Variants in SENP6 observed in about 807,000 individuals in gnomAD.
SENP6 encodes sentrin-specific protease 6.
A neutral mutation model predicts 134.5 loss-of-function variants in SENP6; 41 were observed. The observed-to-expected ratio is 0.30, with a 90% confidence interval of 0.24 to 0.40. The LOEUF is 0.40. Among genes scored for constraint, SENP6 ranks in the 10% least tolerant of loss-of-function variants. SENP6 has a pLI of 1.00. For synonymous variants in SENP6, 395 were observed against 429.8 expected (o/e 0.92, Z 1.00); for missense variants, 1,248 against 1,312.5 (o/e 0.95, Z 0.76).
At chr6:75,704,982 AC>A (rs1159225588) in intron 19 of SENP6, among the ~76,000 whole-genome samples, 4 of 152,356 alleles carry the variant, frequency 2.6e-5, no homozygotes, top group South Asian at 4.1e-4. Context: ...GGGCAAAGTT[AC>A]AGCATCTCAG....
intron 18 of SENP6, among the ~76,000 whole-genome samples, chr6:75,698,829 G>A (rs377565481): frequency 1.3e-5 from 2 of 151,788 alleles, no homozygotes; most frequent in East Asian, 1.9e-4. Context: ...TGGCGAACAT[G>A]GCGAAACCTC....
chr6:75,633,838 A>C (rs946716398), intron 4 of SENP6, 112 bp downstream of exon 4: 1 of 807,610 alleles, frequency 1.2e-6, no homozygotes, highest in Non-Finnish European at 1.8e-6. Context: ...ATTTGTCTAT[A>C]GGGCCAAGAG....
intron 7 of SENP6, chr6:75,654,821 T>G (rs1325685854): frequency 1.3e-5 from 2 of 152,198 alleles, no homozygotes; most frequent in Non-Finnish European, 2.9e-5. Flanking sequence ...TGAAAATGTT[T>G]ATGCAGAAAA....
At chr6:75,659,471 A>T in intron 8 of SENP6, 64 bp downstream of exon 8, 1 of 1,415,948 alleles carries the variant, frequency 7.1e-7, no homozygotes, top group East Asian at 2.3e-5. Context: ...TAGTTTCAGT[A>T]CTTATTAAAT....
In SENP6 at chr6:75,659,281, A is replaced by G. The variant is rs771276594; in HGVS notation, c.570A>G (p.Thr190=). Residue 190 remains threonine (T), a synonymous_variant, in exon 8 of 24, where the codon ACA becomes ACG. Transcript: ENST00000447266. ...CTTTAGAACGTATAATGAAGAAAAC[A>G]GAAGAGTCCGAATCACAAGTGGAGC... ...LQGVERIMKK[T]EESESQVEPE... 3.1e-6 allele frequency: 5 copies of G among 1,611,000 alleles called. No individual in the cohort carries two copies. Among genetic ancestry groups the G allele is most frequent in the Non-Finnish European group, 4.2e-6 (5 of 1,178,774 alleles).
At chr6:75,675,756 A>G (rs1432526269) in intron 12 of SENP6, 104 bp from the exon 13 acceptor site, 3 of 1,045,858 alleles carry the variant, frequency 2.9e-6, no homozygotes, top group Admixed American at 4.9e-5. Flanking sequence ...AGCATAATAA[A>G]TATGTGCTTA....
chr6:75,650,059 A>G (rs565756215), intron 7 of SENP6, among the ~76,000 whole-genome samples: 2 of 152,230 alleles, frequency 1.3e-5, no homozygotes, highest in East Asian at 3.9e-4. Flanking sequence ...CCCACATAGC[A>G]TTTGTCATGT....
At position 75,664,604 on chromosome 6, in the gene SENP6, G is replaced by T. The variant is rs987777667; in HGVS notation, c.994+1086G>T. Among the ~76,000 whole-genome samples the T allele has an allele frequency of 3.9e-5, 6 of 152,104 alleles. No individual in the cohort carries two copies. In the East Asian group the frequency reaches 1.2e-3, roughly 29 times the overall value. On this transcript the variant is annotated intron_variant, in intron 9 of 23. Transcript: ENST00000447266. The stretch of plus-strand genomic sequence containing the variant: ...AAATCTGTTTAGATCGTCTAATCTG[G>T]CCTGTTAGGTTTTCTGCTAATAAAA...
intron 19 of SENP6, among the ~76,000 whole-genome samples, chr6:75,705,571 A>C (rs1474580272): frequency 6.6e-6 from 1 of 152,006 alleles, no homozygotes; most frequent in Non-Finnish European, 1.5e-5. Flanking sequence ...TTAATTAATT[A>C]ATTAAAAACT....
chr6:75,677,211 G>C lies in SENP6; in HGVS notation c.1803G>C (p.Glu601Asp), dbSNP rs762574501. The C allele has an allele frequency of 1.4e-5, 23 of 1,603,358 alleles. No individual in the cohort carries two copies. In the South Asian group the frequency reaches 2.5e-4, roughly 17 times the overall value. The change falls in exon 14 of 24, where the codon GAG becomes GAC. Residue 601 changes from glutamate to aspartate, a missense_variant. Glu to Asp is a conservative substitution (Grantham distance 45). Coordinates refer to ENST00000447266, the MANE Select transcript of SENP6 (RefSeq NM_015571.4). ...TTGCCTGTACAAGAACCTATGAAGA[G>C]AGCATCAAAGGAAGTTGTGGGCAAA... ...RLVACTRTYE[E>D]SIKGSCGQKE...
intron 19 of SENP6, among the ~76,000 whole-genome samples, chr6:75,704,330 G>T (rs1379597427): frequency 1.3e-5 from 2 of 152,188 alleles, no homozygotes; most frequent in Admixed American, 1.3e-4. Context: ...GAGAAGATCA[G>T]CAAGAAAACA....
At chr6:75,616,677 C>T (rs9443182) in intron 1 of SENP6, among the ~76,000 whole-genome samples, 1 of 142,468 alleles carries the variant, frequency 7.0e-6, no homozygotes, top group African/African-American at 2.6e-5. Context: ...ACCCGGGAGG[C>T]GGAGGTTGCA....
chr6:75,651,133 C>T (rs978949863), intron 7 of SENP6, among the ~76,000 whole-genome samples: 5 of 152,110 alleles, frequency 3.3e-5, no homozygotes, highest in African/African-American at 1.2e-4. Context: ...TTTTTCTAAA[C>T]ATACAGAATA....
At chr6:75,619,325 C>G (rs2149827089) in intron 1 of SENP6, among the ~76,000 whole-genome samples, 1 of 152,160 alleles carries the variant, frequency 6.6e-6, no homozygotes, top group Non-Finnish European at 1.5e-5. Flanking sequence ...TGGAATCATA[C>G]AATATTTGTC....
Position 75,602,500 on chromosome 6 carries a change from A to G in SENP6, c.-25A>G, listed in dbSNP as rs1231343135. 9.0e-6 allele frequency: 14 copies of G among 1,550,686 alleles called. No homozygotes were observed. Among genetic ancestry groups the G allele is most frequent in the Admixed American group, 7.8e-5 (4 of 50,990 alleles). On this transcript the variant is annotated 5_prime_UTR_variant, in exon 1 of 24. Coordinates refer to ENST00000447266, the MANE Select transcript of SENP6 (RefSeq NM_015571.4). ...GCGGCGGTGTGGGCCATGGATTAAG[A>G]AGGAGGCGGCGTGGGAGGAGGAAGA...
chr6:75,695,992 A>AGTTATT (rs1774635064), intron 17 of SENP6, 69 bp downstream of exon 17: 1 of 1,375,876 alleles, frequency 7.3e-7, no homozygotes, highest in Admixed American at 2.5e-5. Context: ...AAAATCACGT[A>AGTTATT]CTTGAAAGAA....
At chr6:75,685,602 T>C (rs1773780321) in intron 16 of SENP6, among the ~76,000 whole-genome samples, 1 of 152,220 alleles carries the variant, frequency 6.6e-6, no homozygotes, top group South Asian at 2.1e-4. Flanking sequence ...CGTTGTGCCT[T>C]TGTTCTCACT....
At position 75,602,534 on chromosome 6, in the gene SENP6, G is replaced by C. The variant is rs921736411; in HGVS notation, c.10G>C (p.Gly4Arg). Residue 4 changes from glycine (G) to arginine (R), a missense_variant, in exon 1 of 24, where the codon GGC becomes CGC. This residue lies in a region of SENP6 where 733 missense variants were observed against 725.4 expected (regional missense o/e 1.01). Coordinates refer to ENST00000447266, the MANE Select transcript of SENP6 (RefSeq NM_015571.4). MAA[G>R]KSGGSAGEIT... ...GCGTGGGAGGAGGAAGATGGCGGCC[G>C]GCAAGAGCGGCGGTAGCGCAGGGGA... is the stretch of plus-strand genomic sequence containing the variant. 27 of 1,551,436 alleles carry C rather than the reference G, an allele frequency of 1.7e-5. No homozygotes were observed. The highest frequency in any genetic ancestry group is 2.3e-5 in the Non-Finnish European group (26 of 1,146,962).
At chr6:75,617,011 T>C (rs1582673239) in intron 1 of SENP6, among the ~76,000 whole-genome samples, 1 of 151,776 alleles carries the variant, frequency 6.6e-6, no homozygotes. Flanking sequence ...GAGTAGCTGG[T>C]ACTACAGGCA....
Sources: allele counts gnomAD v4.1 joint callset (sites outside exome capture counted in the v4.1 genomes callset), GRCh38; gene constraint gnomAD v4.1.1; regional missense constraint gnomAD v4.1.1; transcripts MANE v1.5; gene names NCBI Gene and HGNC (gene_info 2026-07-23, HGNC 2026-07-21).